Variants in MYT1L observed in about 807,000 individuals in gnomAD.
MYT1L encodes the protein myelin transcription factor 1 like, also known as myelin transcription factor 1-like protein.
A neutral mutation model predicts 126.7 loss-of-function variants in MYT1L; 12 were observed. The ratio of observed to expected loss-of-function variants is 0.09; its 90% CI spans 0.06 to 0.15. The LOEUF (loss-of-function observed/expected upper bound fraction) is 0.15, where lower values mean the gene tolerates loss of function less well. Among genes scored for constraint, MYT1L ranks in the 10% least tolerant of loss-of-function variants. MYT1L has a pLI of 1.00. For missense variants in MYT1L, 979 were observed against 1,585.2 expected (o/e 0.62, Z 6.49); for synonymous variants, 541 against 604.2 (o/e 0.90, Z 1.53).
intron 5 of MYT1L, among the ~76,000 whole-genome samples, chr2:1,996,767 T>C (rs569631799): frequency 7.5e-6 from 1 of 134,096 alleles, no homozygotes; most frequent in African/African-American, 2.9e-5. Flanking sequence ...GAACCGAGTG[T>C]AGACGGGCCG....
At chr2:1,819,333 T>C (rs1425972492) in intron 21 of MYT1L, among the ~76,000 whole-genome samples, 2 of 152,212 alleles carry the variant, frequency 1.3e-5, no homozygotes, top group African/African-American at 4.8e-5. Context: ...GTCATGACAA[T>C]GCTAACAGCA....
At chr2:2,146,034 G>C (rs540670720) in intron 3 of MYT1L, among the ~76,000 whole-genome samples, 2 of 152,176 alleles carry the variant, frequency 1.3e-5, no homozygotes, top group Non-Finnish European at 2.9e-5. Flanking sequence ...TTAACAAAGG[G>C]AATTATTAGT....
chr2:1,864,594 G>A (rs1007687688), intron 18 of MYT1L, among the ~76,000 whole-genome samples: 7 of 152,216 alleles, frequency 4.6e-5, no homozygotes, highest in African/African-American at 9.6e-5. Context: ...TGCCTCCTGC[G>A]CAGAGCTGTC....
At chr2:1,964,216 ATTTACGGATTAAG>A (rs990248184) in intron 8 of MYT1L, among the ~76,000 whole-genome samples, 3 of 152,194 alleles carry the variant, frequency 2.0e-5, no homozygotes, top group African/African-American at 4.8e-5. Flanking sequence ...AACACACAGC[ATTTACGGATTAAG>A]TTTACTGTCT....
chr2:1,917,174 C>T lies in MYT1L; in HGVS notation c.1618+31G>A, dbSNP rs780213604. On this transcript the variant is annotated intron_variant, in intron 11 of 24. Transcript: ENST00000647738. The surrounding 1 kb of genome is among the most constrained non-coding windows in gnomAD (Gnocchi z 5.9). ...GAGACAGAGTCATGGGTGTTTGCAC[C>T]CCCAAGGGTAGCGGTGAGACGTGGA... The T allele has an allele frequency of 1.9e-6, 3 of 1,600,468 alleles. No individual in the cohort carries two copies. The highest frequency in any genetic ancestry group is 2.7e-5 in the African/African-American group (2 of 74,678).
chr2:2,263,952 A>T (rs980742509), intron 2 of MYT1L, among the ~76,000 whole-genome samples: 2 of 152,240 alleles, frequency 1.3e-5, no homozygotes, highest in African/African-American at 4.8e-5. Context: ...AACTCAAAGT[A>T]TAATTTTAAA....
intron 10 of MYT1L, among the ~76,000 whole-genome samples, chr2:1,920,900 A>G (rs1250943724): frequency 6.6e-6 from 1 of 152,228 alleles, no homozygotes; most frequent in East Asian, 1.9e-4. Flanking sequence ...GCAACGGGCA[A>G]AGCTTCACCT....
At chr2:1,879,636 T>C (rs1341283219) in intron 18 of MYT1L, among the ~76,000 whole-genome samples, 1 of 152,120 alleles carries the variant, frequency 6.6e-6, no homozygotes, top group African/African-American at 2.4e-5. Flanking sequence ...AGTAATAATA[T>C]ATATTTATAG....
At chr2:2,306,981 C>T (rs1427407842) in intron 1 of MYT1L, among the ~76,000 whole-genome samples, 1 of 152,066 alleles carries the variant, frequency 6.6e-6, no homozygotes, top group South Asian at 2.1e-4. Context: ...ACAGAGAGGG[C>T]TATGTGGAAA....
intron 3 of MYT1L, among the ~76,000 whole-genome samples, chr2:2,094,836 G>T (rs2077267744): frequency 1.3e-5 from 2 of 152,064 alleles, no homozygotes; most frequent in Admixed American, 1.3e-4. Flanking sequence ...ATGAGTTAAT[G>T]GGTGTAGCAC....
intron 3 of MYT1L, among the ~76,000 whole-genome samples, chr2:2,085,405 G>C (rs1231910027): frequency 3.3e-5 from 5 of 152,056 alleles, no homozygotes; most frequent in Non-Finnish European, 5.9e-5. Context: ...ATGCTTCTCT[G>C]TCTCTCCAAC....
chr2:1,876,149 T>C (rs1352001211), intron 18 of MYT1L, among the ~76,000 whole-genome samples: 1 of 152,098 alleles, frequency 6.6e-6, no homozygotes, highest in Non-Finnish European at 1.5e-5. Flanking sequence ...CTCAGGTGAG[T>C]AGCACATTTG....
intron 1 of MYT1L, among the ~76,000 whole-genome samples, chr2:2,327,468 T>TA (rs1453149589): frequency 5.9e-5 from 9 of 151,792 alleles, no homozygotes; most frequent in African/African-American, 1.9e-4. Context: ...ACTTTTCAAA[T>TA]AAAAAAGAAG....
intron 1 of MYT1L, among the ~76,000 whole-genome samples, chr2:2,299,775 G>A (rs114544343): frequency 1.2e-3 from 182 of 152,302 alleles, no homozygotes; most frequent in African/African-American, 4.2e-3. Context: ...AAGGAGAGGA[G>A]AGTTTTATCC....
intron 14 of MYT1L, among the ~76,000 whole-genome samples, chr2:1,896,685 A>G (rs1343669106): frequency 6.6e-6 from 1 of 152,200 alleles, no homozygotes; most frequent in African/African-American, 2.4e-5. Flanking sequence ...CACTGTGGAC[A>G]CTAGAGAGGG....
intron 5 of MYT1L, among the ~76,000 whole-genome samples, chr2:1,993,131 T>A (rs919791413): frequency 6.6e-6 from 1 of 152,176 alleles, no homozygotes; most frequent in African/African-American, 2.4e-5. Context: ...ACTGGAGTAA[T>A]AATGAAACTC....
Position 1,791,408 on chromosome 2 carries a change from A to C in MYT1L, c.*459T>G. ...ATAAAGTCCTCCAACATGAGGCAAA[A>C]TGATAACGTCTAAAAAGCGGCTGCT... On this transcript the variant is annotated 3_prime_UTR_variant, in exon 25 of 25. Transcript: ENST00000647738. The surrounding 1 kb of genome is among the most constrained non-coding windows in gnomAD (Gnocchi z 6.0). 1 of 388,128 alleles carries C rather than the reference A, an allele frequency of 2.6e-6. No individual in the cohort carries two copies. 24.0% of individuals were successfully genotyped at this position (388,128 alleles called of 1,614,324 possible).
At chr2:2,169,580 G>A (rs1449906700) in intron 3 of MYT1L, among the ~76,000 whole-genome samples, 4 of 152,058 alleles carry the variant, frequency 2.6e-5, no homozygotes, top group Admixed American at 6.6e-5. Flanking sequence ...CCCTGCAACC[G>A]GAAATCGTTC....
chr2:2,115,099 G>A (rs1559053597), intron 3 of MYT1L, among the ~76,000 whole-genome samples: 1 of 152,228 alleles, frequency 6.6e-6, no homozygotes, highest in Non-Finnish European at 1.5e-5. Context: ...CCCACAGTGA[G>A]TCCCTCACCA....
Sources: gnomAD v4.1 joint callset for allele counts (sites outside exome capture counted in the v4.1 genomes callset) on GRCh38, gnomAD v4.1.1 for gene constraint, Gnocchi (gnomAD v3.1) non-coding constraint, MANE v1.5 for transcripts, NCBI Gene and HGNC (gene_info 2026-07-23, HGNC 2026-07-21) for gene names.